Variants in ADCY2 observed in about 807,000 individuals in gnomAD.
ADCY2 encodes adenylate cyclase type 2.
Under a neutral mutation model 125.2 loss-of-function variants are expected in ADCY2, and 31 were observed. The observed-to-expected ratio is 0.25, with a 90% CI of 0.19 to 0.33. ADCY2 has a LOEUF of 0.33. ADCY2 is among the 10% of genes least tolerant of loss of function. The probability of loss-of-function intolerance (pLI) is 1.00; values close to 1 mark genes in which losing one functional copy is unlikely to be tolerated. For missense variants in ADCY2, 904 were observed against 1,418.2 expected (o/e 0.64, Z 5.82); for synonymous variants, 512 against 548.4 (o/e 0.93, Z 0.93).
chr5:7,455,164 T>C (rs866075315), intron 2 of ADCY2, among the ~76,000 whole-genome samples: 1 of 152,216 alleles, frequency 6.6e-6, no homozygotes, highest in Admixed American at 6.5e-5. Context: ...GTGTGTTGTA[T>C]ATTGTAATGA....
intron 22 of ADCY2, among the ~76,000 whole-genome samples, chr5:7,805,810 G>A (rs921145536): frequency 2.0e-5 from 3 of 152,180 alleles, no homozygotes; most frequent in Non-Finnish European, 4.4e-5. Flanking sequence ...GCATTCATGG[G>A]CAAAGAGTAG....
chr5:7,586,776 C>T (rs1190278997), intron 3 of ADCY2, among the ~76,000 whole-genome samples: 1 of 152,068 alleles, frequency 6.6e-6, no homozygotes, highest in Admixed American at 6.5e-5. Context: ...GGGGAGTCCT[C>T]TTTAATTTAC....
chr5:7,670,816 AG>A lies in ADCY2; in HGVS notation c.721-19874del, dbSNP rs138758377. On this transcript the variant is annotated intron_variant, in intron 4 of 24. Coordinates refer to ENST00000338316, the MANE Select transcript of ADCY2 (RefSeq NM_020546.3). ...GCCGCTGATCTGACAGCAGAGGCGG[AG>A]CTCAAGCGGTAATGCTCACTAACCC... Among the ~76,000 whole-genome samples the A allele has an allele frequency of 8.1e-3, 1,228 of 152,240 alleles. 13 individuals are homozygous for A. Among genetic ancestry groups the A allele is most frequent in the African/African-American group, 0.028 (1,172 of 41,538 alleles).
intron 3 of ADCY2, among the ~76,000 whole-genome samples, chr5:7,560,252 C>A (rs1038852110): frequency 1.3e-5 from 2 of 152,194 alleles, no homozygotes; most frequent in Non-Finnish European, 2.9e-5. Context: ...TGGAAAGAGA[C>A]TGGATGCCAG....
intron 3 of ADCY2, among the ~76,000 whole-genome samples, chr5:7,599,426 T>C (rs1419234740): frequency 2.6e-5 from 4 of 152,136 alleles, no homozygotes; most frequent in Admixed American, 2.0e-4. Flanking sequence ...GTTTCAGTGA[T>C]TGGGTAGTGG....
At chr5:7,822,951 C>T (rs759480853) in intron 24 of ADCY2, among the ~76,000 whole-genome samples, 5 of 152,330 alleles carry the variant, frequency 3.3e-5, no homozygotes, top group Non-Finnish European at 5.9e-5. Flanking sequence ...CCAAGACATG[C>T]GAATAGCCTT....
intron 4 of ADCY2, among the ~76,000 whole-genome samples, chr5:7,664,016 T>A (rs939837211): frequency 6.6e-6 from 1 of 152,042 alleles, no homozygotes; most frequent in Non-Finnish European, 1.5e-5. Context: ...TAAAGTACCC[T>A]TTCCATTCCT....
intron 2 of ADCY2, among the ~76,000 whole-genome samples, chr5:7,458,559 C>G (rs1741796669): frequency 6.6e-6 from 1 of 152,086 alleles, no homozygotes; most frequent in African/African-American, 2.4e-5. Context: ...TGAACTTCAG[C>G]TTTCTCGTTC....
intron 18 of ADCY2, among the ~76,000 whole-genome samples, chr5:7,780,997 T>C (rs897204076): frequency 6.6e-6 from 1 of 152,142 alleles, no homozygotes; most frequent in African/African-American, 2.4e-5. Context: ...CAGTGTCTGA[T>C]TTTTAGATAA....
At chr5:7,490,933 T>C (rs976813420) in intron 2 of ADCY2, among the ~76,000 whole-genome samples, 1 of 152,056 alleles carries the variant, frequency 6.6e-6, no homozygotes, top group Non-Finnish European at 1.5e-5. Flanking sequence ...ACTCTGAAAA[T>C]GAAATATACG....
intron 3 of ADCY2, among the ~76,000 whole-genome samples, chr5:7,591,990 G>A (rs1301839501): frequency 6.6e-6 from 1 of 152,098 alleles, no homozygotes; most frequent in African/African-American, 2.4e-5. Flanking sequence ...TATTTAATAG[G>A]AATGTTTAAC....
chr5:7,426,674 T>C (rs1018015859), intron 2 of ADCY2, among the ~76,000 whole-genome samples: 1 of 152,286 alleles, frequency 6.6e-6, no homozygotes, highest in Admixed American at 6.5e-5. Flanking sequence ...TGTAATCATT[T>C]CCGGATCTTA....
At chr5:7,762,724 G>A (rs879592937) in intron 16 of ADCY2, among the ~76,000 whole-genome samples, 19 of 126,124 alleles carry the variant, frequency 1.5e-4, no homozygotes, top group Non-Finnish European at 2.7e-4. Flanking sequence ...GTTTTTCTCC[G>A]TATTTTTTTT....
intron 15 of ADCY2, among the ~76,000 whole-genome samples, chr5:7,748,590 C>T (rs1742710581): frequency 6.6e-6 from 1 of 151,062 alleles, no homozygotes. Context: ...TGTAATCAGG[C>T]TTCTTGAGGA....
intron 2 of ADCY2, among the ~76,000 whole-genome samples, chr5:7,439,575 T>C (rs1740933123): frequency 6.6e-6 from 1 of 152,134 alleles, no homozygotes. Context: ...AGTATGTGTG[T>C]ACATATACAT....
intron 3 of ADCY2, among the ~76,000 whole-genome samples, chr5:7,584,959 C>T (rs771518333): frequency 6.6e-6 from 1 of 151,802 alleles, no homozygotes; most frequent in African/African-American, 2.4e-5. Flanking sequence ...ATAATGCTGA[C>T]AATGTAAAAT....
intron 16 of ADCY2, among the ~76,000 whole-genome samples, chr5:7,762,878 G>A (rs984248439): frequency 5.3e-5 from 8 of 152,020 alleles, no homozygotes; most frequent in African/African-American, 1.9e-4. Context: ...TGGAGTGGGG[G>A]GCTGTGGGCG....
intron 3 of ADCY2, among the ~76,000 whole-genome samples, chr5:7,545,385 C>T (rs1015519438): frequency 6.6e-6 from 1 of 152,144 alleles, no homozygotes; most frequent in Non-Finnish European, 1.5e-5. Context: ...TATTAGAGAA[C>T]CTGTTTCCTA....
intron 1 of ADCY2, among the ~76,000 whole-genome samples, chr5:7,397,453 T>G (rs896530469): frequency 7.0e-6 from 1 of 142,708 alleles, no homozygotes; most frequent in African/African-American, 2.7e-5. Context: ...GAGTTTTTTT[T>G]TTTTTTTTTT....
Sources: gnomAD v4.1 joint callset for allele counts (sites outside exome capture counted in the v4.1 genomes callset) on GRCh38, gnomAD v4.1.1 for gene constraint, MANE v1.5 for transcripts, NCBI Gene and HGNC (gene_info 2026-07-23, HGNC 2026-07-21) for gene names.